Variants in CNTLN observed in about 807,000 individuals in gnomAD.
CNTLN encodes centlein.
In CNTLN, 212 loss-of-function variants were observed where a neutral mutation model predicts 180.0. The ratio of observed to expected loss-of-function variants is 1.18; its 90% CI spans 1.05 to 1.32. The LOEUF is 1.32. Among genes scored for constraint, CNTLN ranks in the 40% most tolerant of loss-of-function variants. The pLI is 0.00. For synonymous variants in CNTLN, 722 were observed against 563.1 expected (o/e 1.28, Z -3.99); for missense variants, 2,095 against 1,610.9 (o/e 1.30, Z -5.14).
intron 12 of CNTLN, among the ~76,000 whole-genome samples, chr9:17,358,670 T>C (rs1371620771): frequency 6.6e-6 from 1 of 152,204 alleles, no homozygotes; most frequent in East Asian, 1.9e-4. Context: ...ATATGCTTTC[T>C]ACTTTTTAAA....
chr9:17,426,954 G>A (rs1829124092), intron 18 of CNTLN, among the ~76,000 whole-genome samples: 1 of 152,140 alleles, frequency 6.6e-6, no homozygotes, highest in Non-Finnish European at 1.5e-5. Context: ...TAAAGTCACA[G>A]ATATAAACAT....
At chr9:17,303,872 T>C (rs1356321485) in intron 7 of CNTLN, among the ~76,000 whole-genome samples, 1 of 152,126 alleles carries the variant, frequency 6.6e-6, no homozygotes, top group Non-Finnish European at 1.5e-5. Context: ...CTCAGGTGAG[T>C]TGAATTAAAA....
chr9:17,151,621 C>A (rs1240069566), intron 2 of CNTLN, among the ~76,000 whole-genome samples: 1 of 152,064 alleles, frequency 6.6e-6, no homozygotes, highest in Admixed American at 6.6e-5. Context: ...CTGAAATTTT[C>A]TTTTTTTGTT....
At chr9:17,221,963 C>T (rs976617859) in intron 2 of CNTLN, among the ~76,000 whole-genome samples, 3 of 151,810 alleles carry the variant, frequency 2.0e-5, no homozygotes, top group African/African-American at 4.8e-5. Flanking sequence ...TTATATTTAC[C>T]TAAGGCCGAA....
At chr9:17,342,134 T>C (rs1821529037) in intron 11 of CNTLN, among the ~76,000 whole-genome samples, 191 bp from the exon 12 acceptor site, 1 of 152,214 alleles carries the variant, frequency 6.6e-6, no homozygotes, top group African/African-American at 2.4e-5. Context: ...AGTAGCAGTT[T>C]AGCTTCAAAA....
At chr9:17,155,957 C>A (rs1034868305) in intron 2 of CNTLN, among the ~76,000 whole-genome samples, 24 of 152,126 alleles carry the variant, frequency 1.6e-4, no homozygotes, top group African/African-American at 5.5e-4. Flanking sequence ...CAGACTCAGT[C>A]CTTCATGGCT....
At chr9:17,377,311 G>A (rs1824853537) in intron 13 of CNTLN, among the ~76,000 whole-genome samples, 1 of 152,142 alleles carries the variant, frequency 6.6e-6, no homozygotes, top group Admixed American at 6.5e-5. Flanking sequence ...TTTGCAGGCC[G>A]ACGCAGGTGG....
intron 5 of CNTLN, among the ~76,000 whole-genome samples, chr9:17,268,341 T>C (rs1187117961): frequency 6.6e-6 from 1 of 152,162 alleles, no homozygotes; most frequent in Admixed American, 6.5e-5. Context: ...GCGGTGGCTT[T>C]AGAATAGCGG....
Position 17,359,718 on chromosome 9 carries a change from AAAAATAC to A in CNTLN, c.1887-6894_1887-6888del, listed in dbSNP as rs1252990677. 9.9e-4 allele frequency among the ~76,000 whole-genome samples: 79 copies of A among 79,862 alleles called. 9 individuals carry two copies. Among genetic ancestry groups the A allele is most frequent in the African/African-American group, 2.2e-3 (54 of 24,730 alleles). 52.4% of individuals were successfully genotyped at this position (79,862 alleles called of 152,430 possible). On this transcript the variant is annotated intron_variant, in intron 12 of 25. Coordinates refer to ENST00000380647, the MANE Select transcript of CNTLN (RefSeq NM_017738.4). ...AACACGGTGAAACTCCGTCTATACTAAAAATACAAAAAAAAAAAAAAAAAAAAAAAAA... is the reference window on the plus strand; with the variant it reads ...AACACGGTGAAACTCCGTCTATACTAAAAAAAAAAAAAAAAAAAAAAAAAA...
chr9:17,390,230 A>T (rs1306132828), intron 14 of CNTLN, among the ~76,000 whole-genome samples: 2 of 121,136 alleles, frequency 1.7e-5, no homozygotes, highest in South Asian at 2.7e-4. Context: ...TTTTGAAAAG[A>T]GCCTCTTTTT....
At chr9:17,180,262 G>A (rs896547881) in intron 2 of CNTLN, among the ~76,000 whole-genome samples, 1 of 146,542 alleles carries the variant, frequency 6.8e-6, no homozygotes, top group Non-Finnish European at 1.5e-5. Flanking sequence ...TTGGCTATTG[G>A]AACGCATTTT....
At chr9:17,408,885 AG>A (rs910491862) in intron 15 of CNTLN, among the ~76,000 whole-genome samples, 28 of 152,030 alleles carry the variant, frequency 1.8e-4, no homozygotes, top group African/African-American at 6.0e-4. Context: ...GGATGGAACT[AG>A]AATCAGTGGG....
intron 5 of CNTLN, among the ~76,000 whole-genome samples, chr9:17,271,087 A>C (rs921993256): frequency 6.6e-6 from 1 of 151,366 alleles, no homozygotes; most frequent in African/African-American, 2.4e-5. Context: ...AGTAGCTGGG[A>C]CTACAGGCAC....
chr9:17,189,073 G>GGT (rs1821621661), intron 2 of CNTLN, among the ~76,000 whole-genome samples: 1 of 68,920 alleles, frequency 1.5e-5, no homozygotes, highest in East Asian at 6.1e-4. Flanking sequence ...TTGGGACTTA[G>GGT]TTTTTTTTTT....
At chr9:17,266,973 G>A (rs1563938350) in intron 5 of CNTLN, among the ~76,000 whole-genome samples, 1 of 152,088 alleles carries the variant, frequency 6.6e-6, no homozygotes, top group South Asian at 2.1e-4. Flanking sequence ...GCACACTGAT[G>A]GGTCTTGACT....
chr9:17,396,327 C>T (rs1826518111), intron 15 of CNTLN, among the ~76,000 whole-genome samples: 1 of 152,172 alleles, frequency 6.6e-6, no homozygotes. Context: ...CAAGAACCCT[C>T]TCTTGGGGTC....
chr9:17,247,106 G>A (rs1328628404), intron 5 of CNTLN, among the ~76,000 whole-genome samples: 2 of 152,134 alleles, frequency 1.3e-5, no homozygotes, highest in Non-Finnish European at 2.9e-5. Context: ...GATGATGGGT[G>A]ATACAAGTAT....
chr9:17,299,324 A>T, intron 7 of CNTLN: 1 of 268,038 alleles, frequency 3.7e-6, no homozygotes, highest in Middle Eastern at 1.8e-3. Flanking sequence ...TTAATAAATA[A>T]TGTAGTTTAT....
intron 25 of CNTLN, chr9:17,494,837 T>G (rs1280254836): frequency 2.5e-6 from 1 of 395,458 alleles, no homozygotes; most frequent in African/African-American, 2.1e-5. Flanking sequence ...ATAATGATAA[T>G]AAATGTCTGT....
Sources: gnomAD v4.1 joint callset for allele counts (sites outside exome capture counted in the v4.1 genomes callset) on GRCh38, gnomAD v4.1.1 for gene constraint, MANE v1.5 for transcripts, NCBI Gene and HGNC (gene_info 2026-07-23, HGNC 2026-07-21) for gene names.